The following MIS18A variants were observed in gnomAD, a reference collection of about 807,000 sequenced individuals.
MIS18A encodes MIS18 kinetochore protein A, also known as protein Mis18-alpha.
Under a neutral mutation model 25.0 loss-of-function variants are expected in MIS18A, and 14 were observed. The ratio of observed to expected loss-of-function variants is 0.56; its 90% CI spans 0.37 to 0.88. The LOEUF (loss-of-function observed/expected upper bound fraction) is 0.88, where lower values mean the gene tolerates loss of function less well. MIS18A is among the 40% of genes least tolerant of loss of function. The pLI, the probability that MIS18A is intolerant of heterozygous loss-of-function variation, is 0.00. For synonymous variants in MIS18A, 134 were observed against 118.6 expected (o/e 1.13, Z -0.84); for missense variants, 292 against 290.8 (o/e 1.00, Z -0.03).
the MIS18A span, among the ~76,000 whole-genome samples, chr21:32,173,581 T>C: frequency 6.6e-6 from 1 of 152,218 alleles, no homozygotes; most frequent in African/African-American, 2.4e-5. Flanking sequence ...AAAGATGGTA[T>C]ATACATACTC....
the MIS18A span, among the ~76,000 whole-genome samples, chr21:32,246,813 G>A: frequency 1.7e-3 from 263 of 152,294 alleles, 2 homozygotes; most frequent in African/African-American, 5.9e-3. Flanking sequence ...GCGGGAGCTG[G>A]GGCAGACAAG....
downstream of MIS18A, among the ~76,000 whole-genome samples, chr21:32,263,333 C>T (rs1028304417): frequency 1.5e-4 from 23 of 152,200 alleles, no homozygotes; most frequent in African/African-American, 5.6e-4. Flanking sequence ...CAGTGGCTCA[C>T]GCCTGTAATC....
the MIS18A span, among the ~76,000 whole-genome samples, chr21:32,198,727 G>C: frequency 1.3e-5 from 2 of 152,382 alleles, no homozygotes; most frequent in Admixed American, 1.3e-4. Context: ...AGGGGCCGAA[G>C]ACCCAGCTTT....
At chr21:32,162,104 C>T in the MIS18A span, among the ~76,000 whole-genome samples, 1,100 of 152,222 alleles carry the variant, frequency 7.2e-3, 21 homozygotes, top group African/African-American at 0.025. Context: ...GCATCTTCTC[C>T]AAGGTCACAT....
At chr21:32,185,840 G>C in the MIS18A span, among the ~76,000 whole-genome samples, 1 of 152,126 alleles carries the variant, frequency 6.6e-6, no homozygotes, top group African/African-American at 2.4e-5. Flanking sequence ...TTCCTGGCTA[G>C]ACTCATCACT....
chr21:32,182,449 G>A, the MIS18A span, among the ~76,000 whole-genome samples: 2 of 152,208 alleles, frequency 1.3e-5, no homozygotes, highest in Non-Finnish European at 2.9e-5. Context: ...GAGGCCAACT[G>A]CACATGGCTC....
chr21:32,205,374 A>G, the MIS18A span, among the ~76,000 whole-genome samples: 7 of 152,058 alleles, frequency 4.6e-5, no homozygotes, highest in African/African-American at 1.7e-4. Context: ...AAGTGCTGGG[A>G]CTACAGGCGA....
the MIS18A span, among the ~76,000 whole-genome samples, chr21:32,251,864 G>C: frequency 6.6e-6 from 1 of 152,074 alleles, no homozygotes; most frequent in Non-Finnish European, 1.5e-5. Flanking sequence ...ATATAATTCT[G>C]TCTCTCATAT....
downstream of MIS18A, among the ~76,000 whole-genome samples, chr21:32,265,587 T>G (rs2031582325): frequency 6.6e-6 from 1 of 152,218 alleles, no homozygotes; most frequent in Non-Finnish European, 1.5e-5. Flanking sequence ...GCTCAGGACC[T>G]GCAGCCCGCC....
At chr21:32,168,485 G>A in the MIS18A span, among the ~76,000 whole-genome samples, 21 of 152,110 alleles carry the variant, frequency 1.4e-4, no homozygotes, top group African/African-American at 5.1e-4. Context: ...GGAATTAAAG[G>A]GAACAGGAAT....
chr21:32,162,376 G>GT, the MIS18A span, among the ~76,000 whole-genome samples: 2 of 152,166 alleles, frequency 1.3e-5, no homozygotes, highest in Admixed American at 1.3e-4. Context: ...GAGGATCTTT[G>GT]TAAGTGCTCT....
chr21:32,269,860 C>A, intron 3 of MIS18A, 57 bp from the exon 4 acceptor site: 1 of 1,077,744 alleles, frequency 9.3e-7, no homozygotes, highest in Non-Finnish European at 1.4e-6. Context: ...GCACTTGTTC[C>A]CAGCTATTCA....
At chr21:32,231,640 G>A in the MIS18A span, among the ~76,000 whole-genome samples, 1 of 152,224 alleles carries the variant, frequency 6.6e-6, no homozygotes, top group African/African-American at 2.4e-5. Flanking sequence ...ATGCCTCAAA[G>A]TGTTAAACAT....
chr21:32,244,288 G>GGGAATTT, the MIS18A span, among the ~76,000 whole-genome samples: 1 of 152,072 alleles, frequency 6.6e-6, no homozygotes, highest in Non-Finnish European at 1.5e-5. Context: ...AAGGGCACAC[G>GGGAATTT]GGAATTTTTT....
At chr21:32,265,494 G>C (rs1432213389), downstream of MIS18A, among the ~76,000 whole-genome samples, 2 of 152,374 alleles carry the variant, frequency 1.3e-5, no homozygotes, top group South Asian at 4.1e-4. Context: ...TGCGGAGGGT[G>C]TACTGAGTCC....
chr21:32,172,550 T>C, the MIS18A span, among the ~76,000 whole-genome samples: 1 of 151,670 alleles, frequency 6.6e-6, no homozygotes, highest in Non-Finnish European at 1.5e-5. Context: ...GGAATTGCTA[T>C]CAAAATCCCA....
the MIS18A span, among the ~76,000 whole-genome samples, chr21:32,156,107 CAGAGCAGCAGCTTTGAAAACG>C: frequency 6.6e-6 from 1 of 152,018 alleles, no homozygotes; most frequent in Non-Finnish European, 1.5e-5. Context: ...CTTTTTTAAC[CAGAGCAGCAGCTTTGAAAACG>C]AGATGTTTGC....
At chr21:32,183,850 G>A in the MIS18A span, among the ~76,000 whole-genome samples, 2 of 152,202 alleles carry the variant, frequency 1.3e-5, no homozygotes, top group Non-Finnish European at 2.9e-5. Context: ...AAGGTTACTG[G>A]AGAAAGTGCA....
chr21:32,225,027 G>A, the MIS18A span, among the ~76,000 whole-genome samples: 4 of 139,986 alleles, frequency 2.9e-5, no homozygotes, highest in Non-Finnish European at 6.1e-5. Context: ...AAGCAGTGGG[G>A]AAAGGATTCC....
Sources: allele counts gnomAD v4.1 joint callset (sites outside exome capture counted in the v4.1 genomes callset), GRCh38; gene constraint gnomAD v4.1.1; transcripts MANE v1.5; gene names NCBI Gene and HGNC (gene_info 2026-07-23, HGNC 2026-07-21).